The following SOD2 variants were observed in gnomAD, a reference collection of about 807,000 sequenced individuals.
SOD2 encodes the protein superoxide dismutase [Mn], mitochondrial.
A neutral mutation model predicts 27.0 loss-of-function variants in SOD2; 11 were observed. The observed-to-expected ratio is 0.41, with a 90% CI of 0.26 to 0.67. The LOEUF (loss-of-function observed/expected upper bound fraction) is 0.67. SOD2 is among the 30% of genes least tolerant of loss of function. The probability of loss-of-function intolerance (pLI) is 0.34; values close to 1 mark genes in which losing one functional copy is unlikely to be tolerated. For missense variants in SOD2, 250 were observed against 274.5 expected, an observed-to-expected ratio of 0.91 and a Z score of 0.63; for synonymous variants, 105 against 103.0, an observed-to-expected ratio of 1.02 and a Z score of -0.12.
chr6:159,704,518 T>C (rs1228346760), intron 1 of SOD2, among the ~76,000 whole-genome samples: 1 of 152,210 alleles, frequency 6.6e-6, no homozygotes. Context: ...CCATGGAGCC[T>C]TGCTCACTGC....
upstream of SOD2, among the ~76,000 whole-genome samples, chr6:159,693,649 C>T (rs1019561801): frequency 2.0e-5 from 3 of 152,192 alleles, no homozygotes; most frequent in African/African-American, 7.2e-5. Flanking sequence ...GTTTTGGTTG[C>T]GCTGCCGGGG....
chr6:159,758,268 A>C (rs922467322), intron 1 of SOD2, among the ~76,000 whole-genome samples: 3 of 151,920 alleles, frequency 2.0e-5, no homozygotes, highest in African/African-American at 7.3e-5. Flanking sequence ...AAAAAAAAAA[A>C]ACCACAGACT....
intron 1 of SOD2, among the ~76,000 whole-genome samples, chr6:159,751,262 T>C (rs1484208027): frequency 1.3e-5 from 2 of 152,252 alleles, no homozygotes; most frequent in Non-Finnish European, 2.9e-5. Context: ...GGTATGACTT[T>C]TTAAACGAAA....
At chr6:159,743,342 C>T (rs1363876636) in intron 1 of SOD2, among the ~76,000 whole-genome samples, 1 of 152,228 alleles carries the variant, frequency 6.6e-6, no homozygotes, top group Non-Finnish European at 1.5e-5. Flanking sequence ...CCTCTGTGCC[C>T]AGACAGCATT....
intron 3 of SOD2, among the ~76,000 whole-genome samples, 184 bp downstream of exon 3, chr6:159,687,942 C>T (rs1172350757): frequency 3.3e-5 from 5 of 152,010 alleles, no homozygotes; most frequent in Admixed American, 6.5e-5. Context: ...ACCCAGGAAG[C>T]GGAGGTTGCA....
upstream of SOD2, among the ~76,000 whole-genome samples, chr6:159,695,759 G>C (rs1012328932): frequency 6.6e-6 from 1 of 152,056 alleles, no homozygotes; most frequent in African/African-American, 2.4e-5. Flanking sequence ...GCCTTCCAAA[G>C]TTCTGGGATC....
At chr6:159,689,310 T>C (rs994072100) in intron 2 of SOD2, among the ~76,000 whole-genome samples, 10 of 152,168 alleles carry the variant, frequency 6.6e-5, no homozygotes, top group Non-Finnish European at 1.2e-4. Flanking sequence ...ACCCCATCAG[T>C]GAAGCCTTCT....
In SOD2 at chr6:159,707,032, G is replaced by A. The variant is rs535828339; in HGVS notation, c.-115-14169C>T. On this transcript the variant is annotated intron_variant, in intron 1 of 2. Coordinates refer to the SOD2 transcript ENST00000401980. ...CCTGAATGACTACTGGGTACATAAT[G>A]AAATGAAGACAGAAATAAAGATGTT... is the stretch of plus-strand genomic sequence containing the variant. 2.6e-3 allele frequency among the ~76,000 whole-genome samples: 393 copies of A among 152,238 alleles called. 5 individuals are homozygous for A. The highest frequency in any genetic ancestry group is 8.8e-3 in the African/African-American group (366 of 41,526).
intron 1 of SOD2, among the ~76,000 whole-genome samples, chr6:159,712,359 A>G (rs1418753599): frequency 4.0e-5 from 5 of 124,892 alleles, no homozygotes; most frequent in Non-Finnish European, 6.9e-5. Flanking sequence ...ACCACCACTC[A>G]GCTGCTCTGA....
At chr6:159,745,424 T>A (rs1205484412), upstream of SOD2, among the ~76,000 whole-genome samples, 2 of 151,868 alleles carry the variant, frequency 1.3e-5, no homozygotes, top group African/African-American at 4.8e-5. Flanking sequence ...TAATGGAACC[T>A]AACCTTTTCC....
intron 1 of SOD2, chr6:159,760,936 T>A (rs1168755267): frequency 6.6e-6 from 1 of 152,334 alleles, no homozygotes; most frequent in Non-Finnish European, 1.5e-5. Flanking sequence ...GACAGCTGAT[T>A]TCACCACTAT....
At chr6:159,755,760 C>CTTTTTTTTTTTTTTTTTTTTTTTT (rs1779984995) in intron 1 of SOD2, 8 of 283,698 alleles carry the variant, frequency 2.8e-5, no homozygotes, top group African/African-American at 2.0e-4. Flanking sequence ...TTTTTTTTTT[C>CTTTTTTTTTTTTTTTTTTTTTTTT]TTTTCTTTTT....
At chr6:159,754,880 A>G in intron 1 of SOD2, 1 of 914,048 alleles carries the variant, frequency 1.1e-6, no homozygotes, top group Non-Finnish European at 1.6e-6. Context: ...TTAAGATTCC[A>G]AGCAAAATTT....
At chr6:159,720,510 G>A (rs1203990530) in intron 1 of SOD2, 1 of 152,936 alleles carries the variant, frequency 6.5e-6, no homozygotes, top group African/African-American at 2.4e-5. Flanking sequence ...GTACCCATTG[G>A]ACAGTAGTGC....
intron 2 of SOD2, chr6:159,688,449 A>G: frequency 2.0e-6 from 1 of 492,400 alleles, no homozygotes; most frequent in Non-Finnish European, 3.7e-6. Context: ...GCAGAGGTGG[A>G]AAAGCTAGAA....
chr6:159,676,803 A>G lies in SOD2; in HGVS notation c.*5690T>C, dbSNP rs768684783. ...AGTTGGCACCTTAAGATCCTCTTTC[A>G]CAGCAAAGGAGCAGGACTAAAACCA... On this transcript the variant is annotated 3_prime_UTR_variant, in exon 5 of 5. Transcript: ENST00000538183. 1 of 152,172 alleles carries G rather than the reference A, an allele frequency of 6.6e-6. No homozygotes were observed. The highest frequency in any genetic ancestry group is 2.1e-4 in the South Asian group (1 of 4,830). 9.4% of individuals were successfully genotyped at this position (152,172 alleles called of 1,614,324 possible).
At chr6:159,685,474 T>A (rs955080247) in intron 3 of SOD2, among the ~76,000 whole-genome samples, 3 of 152,108 alleles carry the variant, frequency 2.0e-5, no homozygotes, top group Admixed American at 2.0e-4. Context: ...ACTCCCAACC[T>A]CAGGTGATCC....
chr6:159,718,010 G>T (rs1304837483), intron 1 of SOD2, among the ~76,000 whole-genome samples: 9 of 150,226 alleles, frequency 6.0e-5, no homozygotes, highest in African/African-American at 2.0e-4. Flanking sequence ...TTCTTTCTGG[G>T]ATAGGGTCTC....
Position 159,684,917 on chromosome 6 carries a change from T to C in SOD2, c.460A>G (p.Lys154Glu), listed in dbSNP as rs1405118815. ...GSGWGWLGFN[K>E]ERGHLQIAAC... is the part of the protein sequence containing the mutation. ...GCAATTTGTAAGTGTCCCCGTTCCT[T>C]ATTGAAACCAAGCCAACCCCAACCT... The change falls in exon 4 of 5, where the codon AAG (lysine) becomes GAG (glutamate). Residue 154 changes from lysine to glutamate, a missense_variant. Physicochemically the swap from Lys to Glu is moderately conservative, Grantham distance 56. Transcript: ENST00000538183. 1.2e-6 allele frequency: 2 copies of C among 1,613,720 alleles called. No individual in the cohort carries two copies. Among genetic ancestry groups the C allele is most frequent in the Non-Finnish European group, 1.7e-6 (2 of 1,179,804 alleles).
Sources: gnomAD v4.1 joint callset for allele counts (sites outside exome capture counted in the v4.1 genomes callset) on GRCh38, gnomAD v4.1.1 for gene constraint, MANE v1.5 for transcripts, NCBI Gene and HGNC (gene_info 2026-07-23, HGNC 2026-07-21) for gene names.